The following GPC6 variants were observed in gnomAD, a reference collection of about 807,000 sequenced individuals.
GPC6 encodes glypican-6.
In GPC6, 14 loss-of-function variants were observed where a neutral mutation model predicts 55.2. The ratio of observed to expected loss-of-function variants is 0.25; its 90% CI spans 0.17 to 0.40. GPC6 has a LOEUF of 0.40. Ranked by LOEUF, GPC6 falls within the 10% of genes least tolerant of loss-of-function variation. The pLI is 1.00. For missense variants in GPC6, 641 were observed against 708.5 expected (o/e 0.90, Z 1.08); for synonymous variants, 278 against 259.6 (o/e 1.07, Z -0.68).
At chr13:93,354,182 T>A (rs1880743153) in intron 1 of GPC6, among the ~76,000 whole-genome samples, 3 of 152,150 alleles carry the variant, frequency 2.0e-5, no homozygotes, top group African/African-American at 7.2e-5. Context: ...GTCTGTAACA[T>A]TTGGTTATGG....
chr13:93,543,352 C>G (rs1254926615), intron 1 of GPC6, among the ~76,000 whole-genome samples: 1 of 152,080 alleles, frequency 6.6e-6, no homozygotes, highest in Non-Finnish European at 1.5e-5. Flanking sequence ...ATTGAACCAG[C>G]CTTGCATCCC....
chr13:93,259,307 T>C (rs865951249), intron 1 of GPC6, among the ~76,000 whole-genome samples: 1 of 152,266 alleles, frequency 6.6e-6, no homozygotes, highest in Middle Eastern at 3.4e-3. Flanking sequence ...TAGGGACTGA[T>C]ACATGGAGTT....
chr13:94,219,150 T>C (rs1209376128), intron 4 of GPC6, among the ~76,000 whole-genome samples: 1 of 152,192 alleles, frequency 6.6e-6, no homozygotes, highest in Non-Finnish European at 1.5e-5. Flanking sequence ...ACATGCCCTT[T>C]AAAAGAGTCG....
intron 1 of GPC6, among the ~76,000 whole-genome samples, chr13:93,437,769 G>A (rs1877629600): frequency 6.6e-6 from 1 of 152,130 alleles, no homozygotes; most frequent in Non-Finnish European, 1.5e-5. Context: ...ATAGAACTAA[G>A]ATAACTGATG....
intron 7 of GPC6, among the ~76,000 whole-genome samples, chr13:94,383,485 C>A (rs1018440265): frequency 4.6e-5 from 7 of 152,182 alleles, no homozygotes; most frequent in African/African-American, 1.7e-4. Flanking sequence ...AATCCCAACA[C>A]TTTGGGGGGC....
intron 2 of GPC6, among the ~76,000 whole-genome samples, chr13:93,615,592 C>T (rs1476510617): frequency 6.6e-6 from 1 of 152,074 alleles, no homozygotes; most frequent in Non-Finnish European, 1.5e-5. Flanking sequence ...ACATAGTTAT[C>T]CTGGAAAAGA....
intron 2 of GPC6, among the ~76,000 whole-genome samples, chr13:93,685,469 T>A (rs1372764151): frequency 6.6e-6 from 1 of 152,242 alleles, no homozygotes; most frequent in Admixed American, 6.5e-5. Flanking sequence ...TTGTTATTTT[T>A]AATTTCATAT....
chr13:93,521,776 T>C (rs1881431390), intron 1 of GPC6, among the ~76,000 whole-genome samples: 1 of 152,014 alleles, frequency 6.6e-6, no homozygotes, highest in African/African-American at 2.4e-5. Flanking sequence ...CCCAGCTATG[T>C]GTTTAAAATA....
intron 1 of GPC6, among the ~76,000 whole-genome samples, chr13:93,458,656 A>G (rs1878563275): frequency 1.3e-5 from 2 of 152,216 alleles, no homozygotes; most frequent in South Asian, 4.1e-4. Flanking sequence ...AATGGGAACT[A>G]GAAGCTTACA....
intron 3 of GPC6, among the ~76,000 whole-genome samples, chr13:94,017,587 T>C (rs1037955516): frequency 9.9e-5 from 15 of 152,150 alleles, no homozygotes; most frequent in African/African-American, 2.9e-4. Flanking sequence ...AGTTTTACAA[T>C]TCAAGGTGAG....
chr13:93,881,882 C>T (rs1056849165), intron 3 of GPC6, among the ~76,000 whole-genome samples: 10 of 152,018 alleles, frequency 6.6e-5, no homozygotes, highest in Admixed American at 3.3e-4. Flanking sequence ...CTTATTTGTT[C>T]AACCCTAGGA....
chr13:93,357,350 T>A (rs1312197753), intron 1 of GPC6, among the ~76,000 whole-genome samples: 1 of 152,234 alleles, frequency 6.6e-6, no homozygotes, highest in Non-Finnish European at 1.5e-5. Context: ...TTTCCCCTTT[T>A]CATTTATTCA....
the GPC6 span, among the ~76,000 whole-genome samples, chr13:93,221,505 T>C: frequency 6.6e-6 from 1 of 152,232 alleles, no homozygotes; most frequent in South Asian, 2.1e-4. Flanking sequence ...CCCCAAGAGA[T>C]CATTAGTAAC....
chr13:93,343,266 T>C (rs1880320944), intron 1 of GPC6, among the ~76,000 whole-genome samples: 2 of 152,062 alleles, frequency 1.3e-5, no homozygotes, highest in African/African-American at 4.8e-5. Flanking sequence ...CAAGGAGATA[T>C]AGTATATGGA....
intron 2 of GPC6, among the ~76,000 whole-genome samples, chr13:93,797,831 G>T (rs1313855793): frequency 6.6e-6 from 1 of 152,174 alleles, no homozygotes. Context: ...AGTCACAGCA[G>T]AGTGACTGTT....
chr13:94,076,155 C>A (rs1884908034), intron 4 of GPC6, among the ~76,000 whole-genome samples: 1 of 151,422 alleles, frequency 6.6e-6, no homozygotes, highest in Admixed American at 6.6e-5. Flanking sequence ...AAATAATGAT[C>A]ATCCTAGCAG....
chr13:93,557,805 A>G (rs1253313357), intron 2 of GPC6, among the ~76,000 whole-genome samples: 1 of 152,176 alleles, frequency 6.6e-6, no homozygotes. Flanking sequence ...TAAGTTTTAT[A>G]TATTTTTAAA....
intron 2 of GPC6, among the ~76,000 whole-genome samples, chr13:93,703,189 G>A (rs527357187): frequency 7.6e-4 from 115 of 151,762 alleles, no homozygotes; most frequent in African/African-American, 2.6e-3. Flanking sequence ...TCACTTTATC[G>A]GGGACTAGGG....
chr13:93,521,745 C>T (rs779073377), intron 1 of GPC6, among the ~76,000 whole-genome samples: 1 of 151,870 alleles, frequency 6.6e-6, no homozygotes, highest in African/African-American at 2.4e-5. Context: ...ATTAAGTTCT[C>T]CAGTGGTATT....
Sources: allele counts gnomAD v4.1 joint callset (sites outside exome capture counted in the v4.1 genomes callset), GRCh38; gene constraint gnomAD v4.1.1; transcripts MANE v1.5; gene names NCBI Gene and HGNC (gene_info 2026-07-23, HGNC 2026-07-21).